ELAPOR2: variants seen among roughly 807,000 people sequenced by gnomAD.
ELAPOR2 encodes endosome/lysosome-associated apoptosis and autophagy regulator family member 2.
A neutral mutation model predicts 120.7 loss-of-function variants in ELAPOR2; 89 were observed. The ratio of observed to expected loss-of-function variants is 0.74; its 90% CI spans 0.62 to 0.88. The LOEUF is 0.88. ELAPOR2 is among the 40% of genes least tolerant of loss of function. The pLI is 0.00. For missense variants in ELAPOR2, 1,134 were observed against 1,251.6 expected (o/e 0.91, Z 1.42); for synonymous variants, 444 against 444.9 (o/e 1.00, Z 0.03).
chr7:86,937,092 T>C (rs1304623243), intron 8 of ELAPOR2, among the ~76,000 whole-genome samples: 1 of 152,118 alleles, frequency 6.6e-6, no homozygotes, highest in African/African-American at 2.4e-5. Flanking sequence ...GGCATTATGA[T>C]AGGACTATCA....
chr7:87,049,278 T>G (rs1795036483), intron 1 of ELAPOR2, among the ~76,000 whole-genome samples: 1 of 101,970 alleles, frequency 9.8e-6, no homozygotes, highest in South Asian at 3.4e-4. Flanking sequence ...TGAAATTTTA[T>G]TTTATTTATT....
intron 1 of ELAPOR2, among the ~76,000 whole-genome samples, chr7:86,999,210 T>C (rs1767725): frequency 0.38 from 57,480 of 151,970 alleles, 11,725 homozygotes; most frequent in African/African-American, 0.53. Context: ...TCTAGTGGGC[T>C]ACATAATAAC....
chr7:86,964,689 AT>A (rs879612079), intron 2 of ELAPOR2, among the ~76,000 whole-genome samples: 20 of 152,196 alleles, frequency 1.3e-4, no homozygotes, highest in Admixed American at 2.0e-4. Context: ...TTAAAAAAAA[AT>A]AATAACATTC....
chr7:86,986,561 CA>C (rs1174712647), intron 1 of ELAPOR2, among the ~76,000 whole-genome samples: 2 of 127,200 alleles, frequency 1.6e-5, no homozygotes, highest in Non-Finnish European at 3.3e-5. Context: ...CATTAACAGA[CA>C]AACAGACAAA....
intron 1 of ELAPOR2, among the ~76,000 whole-genome samples, chr7:87,022,606 A>G (rs577705301): frequency 8.5e-5 from 13 of 152,064 alleles, no homozygotes; most frequent in Admixed American, 5.9e-4. Flanking sequence ...TAATGGGATG[A>G]CTGGGTCAAA....
In ELAPOR2 at chr7:86,886,031, C is replaced by A. The variant is rs1181674798; in HGVS notation, c.3031-5501G>T. On this transcript the variant is annotated intron_variant, in intron 21 of 21. Transcript: ENST00000450689. ...TTTACCTTCTGATGCCCAAAACAGT[C>A]ACTATATAAATTAGGTCCTTTTGGT... Among the ~76,000 whole-genome samples, 3 of 152,066 alleles carry A rather than the reference C, an allele frequency of 2.0e-5. No individual in the cohort carries two copies. The East Asian group carries it at 5.8e-4, about 29-fold the overall frequency.
chr7:87,014,546 A>C (rs1161042824), intron 1 of ELAPOR2, among the ~76,000 whole-genome samples: 3 of 152,216 alleles, frequency 2.0e-5, no homozygotes, highest in Non-Finnish European at 4.4e-5. Context: ...TGTCAACACC[A>C]CATCCACTCT....
At chr7:86,921,579 G>C (rs1789832213) in intron 10 of ELAPOR2, among the ~76,000 whole-genome samples, 1 of 152,120 alleles carries the variant, frequency 6.6e-6, no homozygotes, top group African/African-American at 2.4e-5. Context: ...CTAGAACTCT[G>C]AGAGAATACT....
intron 1 of ELAPOR2, among the ~76,000 whole-genome samples, chr7:86,982,182 C>T (rs1767706): frequency 0.38 from 57,605 of 152,194 alleles, 11,757 homozygotes; most frequent in African/African-American, 0.53. Context: ...CGGAGCCCAA[C>T]GCAGCTCAGC....
intron 1 of ELAPOR2, among the ~76,000 whole-genome samples, chr7:86,970,488 T>C (rs1420305480): frequency 6.6e-6 from 1 of 152,166 alleles, no homozygotes; most frequent in African/African-American, 2.4e-5. Flanking sequence ...AGCAAAGAAC[T>C]TGGCACACTT....
intron 12 of ELAPOR2, among the ~76,000 whole-genome samples, chr7:86,917,678 T>G (rs1181709524): frequency 6.6e-6 from 1 of 152,156 alleles, no homozygotes; most frequent in East Asian, 1.9e-4. Flanking sequence ...GATACTTTTT[T>G]TCAGAAACAA....
rs569041908 is a variant in ELAPOR2, at chr7:86,904,981, C to G, written c.2558+2689G>C. 5.9e-5 allele frequency among the ~76,000 whole-genome samples: 9 copies of G among 151,752 alleles called. No homozygotes were observed. In the South Asian group the frequency reaches 1.9e-3, roughly 32 times the overall value. On this transcript the variant is annotated intron_variant, in intron 18 of 21. Transcript: ENST00000450689. ...CTCAAGGCAAGTGTCTGGTTAGCAT[C>G]TCCCTCCCTCCACTCTGGAAATCTT...
intron 2 of ELAPOR2, among the ~76,000 whole-genome samples, chr7:86,956,886 C>T (rs1240038544): frequency 6.6e-6 from 1 of 152,160 alleles, no homozygotes; most frequent in East Asian, 1.9e-4. Context: ...TCAGTTTTCT[C>T]AACTTTCAAT....
intron 18 of ELAPOR2, among the ~76,000 whole-genome samples, chr7:86,903,163 A>G (rs759537797): frequency 6.6e-6 from 1 of 152,178 alleles, no homozygotes; most frequent in Non-Finnish European, 1.5e-5. Flanking sequence ...TCCTTATCTC[A>G]AAATTGATCT....
intron 2 of ELAPOR2, among the ~76,000 whole-genome samples, chr7:86,958,804 G>A (rs770541816): frequency 5.9e-5 from 9 of 152,116 alleles, no homozygotes; most frequent in Non-Finnish European, 8.8e-5. Context: ...GCTCAAAATC[G>A]CTTTGGCTAT....
chr7:86,990,703 G>C (rs1195046465), intron 1 of ELAPOR2, among the ~76,000 whole-genome samples: 3 of 152,038 alleles, frequency 2.0e-5, no homozygotes, highest in Non-Finnish European at 4.4e-5. Flanking sequence ...TTTTTCTGAG[G>C]ACCACAAGAG....
At chr7:86,883,314 A>G (rs1375768104) in intron 21 of ELAPOR2, among the ~76,000 whole-genome samples, 1 of 152,218 alleles carries the variant, frequency 6.6e-6, no homozygotes, top group East Asian at 1.9e-4. Flanking sequence ...TGGCCTTTAG[A>G]ACATAAATGA....
chr7:86,897,692 A>G, intron 18 of ELAPOR2, 60 bp from the exon 19 acceptor site: 8 of 1,581,598 alleles, frequency 5.1e-6, no homozygotes, highest in Non-Finnish European at 6.9e-6. Context: ...CATTCAATCC[A>G]CTCTAATCAA....
At chr7:86,891,364 A>T (rs1004912818) in intron 21 of ELAPOR2, 1 of 161,640 alleles carries the variant, frequency 6.2e-6, no homozygotes, top group African/African-American at 2.4e-5. Flanking sequence ...TACAAACATA[A>T]ATGTATATTT....
Sources: allele counts gnomAD v4.1 joint callset (sites outside exome capture counted in the v4.1 genomes callset), GRCh38; gene constraint gnomAD v4.1.1; transcripts MANE v1.5; gene names NCBI Gene and HGNC (gene_info 2026-07-23, HGNC 2026-07-21).